Variants in FADS1 observed in about 807,000 individuals in gnomAD.
FADS1 encodes the protein acyl-CoA (8-3)-desaturase.
A neutral mutation model predicts 61.6 loss-of-function variants in FADS1; 17 were observed. The ratio of observed to expected loss-of-function variants is 0.28; its 90% CI spans 0.19 to 0.41. FADS1 has a LOEUF of 0.41. FADS1 is among the 10% of genes least tolerant of loss of function. The pLI is 1.00. For missense variants in FADS1, 387 were observed against 650.9 expected (o/e 0.59, Z 4.41); for synonymous variants, 238 against 258.7 (o/e 0.92, Z 0.77).
rs1237494508 is a variant in FADS1 at position 61,800,030 on chromosome 11, C to T, written c.*2381G>A. On this transcript the variant is annotated 3_prime_UTR_variant, in exon 12 of 12. Coordinates refer to ENST00000350997, the MANE Select transcript of FADS1 (RefSeq NM_013402.7). ...TTGGTCTTGGCTCAATAGAGCCTCA[C>T]TGGTGTTTGCTCAGATTGGGCAGCC... 1.3e-5 allele frequency: 2 copies of T among 152,796 alleles called. No individual in the cohort carries two copies. The highest frequency in any genetic ancestry group is 2.9e-5 in the Non-Finnish European group (2 of 68,060). The allele number at this position is 152,796 out of a possible 1,614,324, so 9.5% of individuals were successfully genotyped here.
intron 3 of FADS1, chr11:61,811,736 C>A: frequency 6.3e-6 from 2 of 317,110 alleles, no homozygotes; most frequent in Non-Finnish European, 1.3e-5. Context: ...ATTACAGGCA[C>A]CCACCACCAC....
Position 61,816,466 on chromosome 11 carries a change from G to T in FADS1, c.375+89C>A. 6.2e-7 allele frequency: 1 copy of T among 1,600,866 alleles called. No homozygotes were observed. The highest frequency in any genetic ancestry group is 8.5e-7 in the Non-Finnish European group (1 of 1,179,570). On this transcript the variant is annotated intron_variant, in intron 1 of 11. Transcript: ENST00000350997. The surrounding 1 kb of genome is among the most constrained non-coding windows in gnomAD (Gnocchi z 7.0). Reference sequence around the variant, plus strand: ...CTCCGGGCTTTCCTCCGAATTAGTCGGTGTTTGGCTCGGAGTGCGTAACTC... The same window carrying T: ...CTCCGGGCTTTCCTCCGAATTAGTCTGTGTTTGGCTCGGAGTGCGTAACTC...
rs1296296613 is a variant in FADS1 at position 61,816,742 on chromosome 11, A to G, written c.188T>C (p.Val63Ala). The G allele has an allele frequency of 6.4e-7, 1 of 1,552,578 alleles. No individual in the cohort carries two copies. The highest frequency in any genetic ancestry group is 8.7e-7 in the Non-Finnish European group (1 of 1,149,924). Residue 63 changes from valine to alanine, a missense_variant, in exon 1 of 12, where the codon GTG becomes GCG. Transcript: ENST00000350997. The surrounding 1 kb of genome is among the most constrained non-coding windows in gnomAD (Gnocchi z 7.0). ...VARPAMAPDPVAAETAAQGPT... is the reference protein window; with the variant it reads ...VARPAMAPDPAAAETAAQGPT... Reference sequence around the variant, plus strand: ...TCCCTGAGCCGCGGTCTCGGCGGCCACCGGGTCGGGGGCCATAGCTGGCCT... The same window carrying G: ...TCCCTGAGCCGCGGTCTCGGCGGCCGCCGGGTCGGGGGCCATAGCTGGCCT...
At position 61,803,336 on chromosome 11, in the gene FADS1, C is replaced by T; in HGVS notation, c.1248+27G>A. ...TCCTTTTCAATAGTTGTGTTATGCT[C>T]CAGTCTTCTGAGTGACTGTCCCTTA... On this transcript the variant is annotated intron_variant, in intron 9 of 11. Coordinates refer to ENST00000350997, the MANE Select transcript of FADS1 (RefSeq NM_013402.7). This position sits in a 1 kb window ranked among gnomAD's most constrained non-coding sequence, Gnocchi z 4.3. 6.4e-7 allele frequency: 1 copy of T among 1,561,652 alleles called. No homozygotes were observed. Among genetic ancestry groups the T allele is most frequent in the Non-Finnish European group, 8.8e-7 (1 of 1,132,170 alleles).
At chr11:61,804,405 C>T in intron 7 of FADS1, 2 of 414,022 alleles carry the variant, frequency 4.8e-6, no homozygotes, top group Non-Finnish European at 8.5e-6. Flanking sequence ...TATTGTCTCT[C>T]ATTCATCTTC....
At chr11:61,806,798 T>C (rs2066897930) in intron 5 of FADS1, 74 bp from the exon 6 acceptor site, 2 of 1,453,110 alleles carry the variant, frequency 1.4e-6, no homozygotes, top group South Asian at 2.3e-5. Context: ...CTTTCCTTGC[T>C]TGGAGGTTTA....
At chr11:61,812,422 C>T (rs745891838) in intron 3 of FADS1, 49 bp downstream of exon 3, 1 of 1,580,000 alleles carries the variant, frequency 6.3e-7, no homozygotes, top group African/African-American at 1.3e-5. Flanking sequence ...GGAGCTTTCC[C>T]CAGGGATGCT....
rs572463194 is a variant in FADS1, at chr11:61,804,869, C to T, written c.977-108G>A. On this transcript the variant is annotated intron_variant, in intron 6 of 11. Transcript: ENST00000350997. ...CTAGCAGGGGGCTGCCTCTTCCAAC[C>T]ATCCCTTCTGTCTCCCCTCCAGGTG... 2.2e-6 allele frequency: 2 copies of T among 911,742 alleles called. 1 individual carries two copies. The allele number at this position is 911,742 out of a possible 1,614,324, so 56.5% of individuals were successfully genotyped here. A position where few individuals can be genotyped will look rare whatever the true frequency, so the allele number is the denominator to read the frequency against.
At chr11:61,808,392 A>G (rs1190642941) in intron 5 of FADS1, among the ~76,000 whole-genome samples, 3 of 151,496 alleles carry the variant, frequency 2.0e-5, no homozygotes, top group African/African-American at 7.3e-5. Flanking sequence ...CCGGCCAGCT[A>G]TGAGGCTGAG....
At position 61,803,790 on chromosome 11, in the gene FADS1, C is replaced by T; in HGVS notation, c.1054-23G>A. Reference sequence around the variant, plus strand: ...GTCCTATAGTGAGAAAAGCAGCGAGCATAACAGTCACGAACAACTCTTCCT... The same window carrying T: ...GTCCTATAGTGAGAAAAGCAGCGAGTATAACAGTCACGAACAACTCTTCCT... On this transcript the variant is annotated intron_variant, in intron 7 of 11. Coordinates refer to ENST00000350997, the MANE Select transcript of FADS1 (RefSeq NM_013402.7). This position sits in a 1 kb window ranked among gnomAD's most constrained non-coding sequence, Gnocchi z 4.3. 6.4e-7 allele frequency: 1 copy of T among 1,562,144 alleles called. No individual in the cohort carries two copies. Among genetic ancestry groups the T allele is most frequent in the Non-Finnish European group, 8.8e-7 (1 of 1,132,912 alleles).
rs2066928192 is a variant in FADS1, at chr11:61,811,131, C to T, written c.685-56G>A. Reference sequence around the variant, plus strand: ...CCCACCAGCCCCAGTGTCGCCTTCACTGACCTCGATGCCTCCTTCAGCCTC... The same window carrying T: ...CCCACCAGCCCCAGTGTCGCCTTCATTGACCTCGATGCCTCCTTCAGCCTC... On this transcript the variant is annotated intron_variant, in intron 3 of 11. Coordinates refer to ENST00000350997, the MANE Select transcript of FADS1 (RefSeq NM_013402.7). 7 of 1,335,366 alleles carry T rather than the reference C, an allele frequency of 5.2e-6. No homozygotes were observed. The Admixed American group carries it at 8.6e-5, about 16-fold the overall frequency. 82.7% of individuals were successfully genotyped at this position (1,335,366 alleles called of 1,614,324 possible).
In FADS1 at chr11:61,803,653, C is replaced by G. The variant is rs1197343868; in HGVS notation, c.1151+17G>C. On this transcript the variant is annotated intron_variant, in intron 8 of 11. Transcript: ENST00000350997. This position sits in a 1 kb window ranked among gnomAD's most constrained non-coding sequence, Gnocchi z 4.3. ...CATTTCCTTCACCAGTCCCTATCCG[C>G]CCCCACCGAATACTACCTGACTATG... The G allele has an allele frequency of 2.2e-5, 35 of 1,587,676 alleles. No homozygotes were observed. Among genetic ancestry groups the G allele is most frequent in the Non-Finnish European group, 2.8e-5 (32 of 1,155,926 alleles).
Position 61,811,030 on chromosome 11 carries a change from A to C in FADS1, c.730T>G (p.Phe244Val). The C allele has an allele frequency of 6.2e-7, 1 of 1,614,022 alleles. No individual in the cohort carries two copies. The highest frequency in any genetic ancestry group is 8.5e-7 in the Non-Finnish European group (1 of 1,179,990). ...LQHDFGHLSVFSTSKWNHLLH... is the reference protein window; with the variant it reads ...LQHDFGHLSVVSTSKWNHLLH... ...AGATGGTTCCACTTTGAGGTGCTGA[A>C]GACCGACAGGTGCCCAAAGTCATGC... Residue 244 changes from phenylalanine to valine, a missense_variant, in exon 4 of 12, where the codon TTC becomes GTC. Coordinates refer to ENST00000350997, the MANE Select transcript of FADS1 (RefSeq NM_013402.7).
At chr11:61,809,673 C>G (rs1030456061) in intron 5 of FADS1, among the ~76,000 whole-genome samples, 1 of 152,170 alleles carries the variant, frequency 6.6e-6, no homozygotes, top group Non-Finnish European at 1.5e-5. Flanking sequence ...ATGCCACTGC[C>G]CAGCAAATAA....
At chr11:61,813,200 C>G in intron 2 of FADS1, 43 bp downstream of exon 2, 1 of 1,209,006 alleles carries the variant, frequency 8.3e-7, no homozygotes, top group South Asian at 1.2e-5. Context: ...CTCTGTCCCC[C>G]TCAACAACCA....
chr11:61,816,579 G>T lies in FADS1; in HGVS notation c.351C>A (p.Ser117Arg). ...RRHPGGSRVISHYAGQDATDP... is the reference protein window; with the variant it reads ...RRHPGGSRVIRHYAGQDATDP... ...CCGTGGCATCCTGCCCGGCGTAGTG[G>T]CTGATGACCCGGGAGCCCCCTGGAT... Residue 117 changes from serine (S) to arginine (R), a missense_variant, in exon 1 of 12, where the codon AGC becomes AGA. Ser to Arg is a moderately radical substitution (Grantham distance 110). Coordinates refer to ENST00000350997, the MANE Select transcript of FADS1 (RefSeq NM_013402.7). This position sits in a 1 kb window ranked among gnomAD's most constrained non-coding sequence, Gnocchi z 7.0. 1 of 1,609,038 alleles carries T rather than the reference G, an allele frequency of 6.2e-7. No individual in the cohort carries two copies. Among genetic ancestry groups the T allele is most frequent in the Non-Finnish European group, 8.5e-7 (1 of 1,178,460 alleles).
At position 61,816,735 on chromosome 11, in the gene FADS1, G is replaced by C; in HGVS notation, c.195C>G (p.Ala65=). 9.0e-6 allele frequency: 14 copies of C among 1,555,932 alleles called. No homozygotes were observed. The highest frequency in any genetic ancestry group is 1.2e-5 in the Non-Finnish European group (14 of 1,151,284). ...RPAMAPDPVA[A]ETAAQGPTPR... is the part of the protein sequence containing the mutation. ...GGGTAGGTCCCTGAGCCGCGGTCTCGGCGGCCACCGGGTCGGGGGCCATAG... is the reference window on the plus strand; with the variant it reads ...GGGTAGGTCCCTGAGCCGCGGTCTCCGCGGCCACCGGGTCGGGGGCCATAG... The change falls in exon 1 of 12, where the codon GCC becomes GCG. Residue 65 remains alanine (A), a synonymous_variant. Transcript: ENST00000350997. The surrounding 1 kb of genome is among the most constrained non-coding windows in gnomAD (Gnocchi z 7.0).
In FADS1 at chr11:61,815,150, A is replaced by G. The variant is rs752477681; in HGVS notation, c.375+1405T>C. 6.1e-6 allele frequency: 1 copy of G among 163,734 alleles called. No homozygotes were observed. The highest frequency in any genetic ancestry group is 1.5e-5 in the Non-Finnish European group (1 of 68,334). 10.1% of individuals were successfully genotyped at this position (163,734 alleles called of 1,614,324 possible). A position where few individuals can be genotyped will look rare whatever the true frequency, so the allele number is the denominator to read the frequency against. On this transcript the variant is annotated intron_variant, in intron 1 of 11. Transcript: ENST00000350997. The surrounding 1 kb of genome is among the most constrained non-coding windows in gnomAD (Gnocchi z 6.4). ...CCGGCAGCCCCGGGCCCTGTAAGTGATGCGGCGTGTGGGGCGGGGGCCGGG... is the reference window on the plus strand; with the variant it reads ...CCGGCAGCCCCGGGCCCTGTAAGTGGTGCGGCGTGTGGGGCGGGGGCCGGG...
chr11:61,812,758 ACTGAGGTAG>A, intron 2 of FADS1, 90 bp from the exon 3 acceptor site: 1 of 1,181,092 alleles, frequency 8.5e-7, no homozygotes, highest in Non-Finnish European at 1.2e-6. Flanking sequence ...AGGACCTCCC[ACTGAGGTAG>A]CTGTGGGAAG....
Sources: gnomAD v4.1 joint callset for allele counts (sites outside exome capture counted in the v4.1 genomes callset) on GRCh38, gnomAD v4.1.1 for gene constraint, Gnocchi (gnomAD v3.1) non-coding constraint, MANE v1.5 for transcripts, NCBI Gene and HGNC (gene_info 2026-07-23, HGNC 2026-07-21) for gene names.